The following INTS1 variants were observed in gnomAD, a reference collection of about 807,000 sequenced individuals.
INTS1 encodes integrator complex subunit 1.
In INTS1, 137 loss-of-function variants were observed where a neutral mutation model predicts 241.6. That is an observed-to-expected ratio of 0.57 (90% CI 0.49 to 0.65). The LOEUF is 0.65. Ranked by LOEUF, INTS1 falls within the 30% of genes least tolerant of loss-of-function variation. The pLI, the probability that INTS1 is intolerant of heterozygous loss-of-function variation, is 0.00. For synonymous variants in INTS1, 1,692 were observed against 1,337.8 expected (o/e 1.26, Z -5.78); for missense variants, 3,073 against 3,032.2 (o/e 1.01, Z -0.32).
chr7:1,498,679 C>T, intron 9 of INTS1, 28 bp downstream of exon 9: 1 of 1,546,704 alleles, frequency 6.5e-7, no homozygotes, highest in South Asian at 1.2e-5. Flanking sequence ...CCACCCGCAC[C>T]CCCGCTCTGC....
At chr7:1,480,691 G>A (rs1781950762) in intron 29 of INTS1, 144 bp downstream of exon 29, 1 of 753,272 alleles carries the variant, frequency 1.3e-6, no homozygotes. Flanking sequence ...GTTTCTGTGG[G>A]GGCCCCTCTC....
In INTS1 at chr7:1,480,035, C is replaced by T. The variant is rs187808514; in HGVS notation, c.4074+282G>A. ...ACCTCAGCTTCTGTACACATCAAACCGGGTGCCCCGCGCAGAGGGGTGTGC... is the reference window on the plus strand; with the variant it reads ...ACCTCAGCTTCTGTACACATCAAACTGGGTGCCCCGCGCAGAGGGGTGTGC... On this transcript the variant is annotated intron_variant, in intron 30 of 47. Transcript: ENST00000404767. Among the ~76,000 whole-genome samples the T allele has an allele frequency of 2.6e-5, 4 of 152,362 alleles. No homozygotes were observed. The East Asian group carries it at 7.7e-4, about 29-fold the overall frequency.
At chr7:1,480,182 G>A in intron 30 of INTS1, 135 bp downstream of exon 30, 1 of 1,044,172 alleles carries the variant, frequency 9.6e-7, no homozygotes, top group Non-Finnish European at 1.4e-6. Flanking sequence ...GCGTGTAAAG[G>A]CCGCTGTGCG....
intron 31 of INTS1, among the ~76,000 whole-genome samples, chr7:1,479,130 G>A (rs553520031): frequency 3.2e-4 from 49 of 152,374 alleles, no homozygotes; most frequent in Admixed American, 8.5e-4. Flanking sequence ...AAAGGAAAAA[G>A]TAAACACAGA....
rs1296580940 is a variant in INTS1 at position 1,473,673 on chromosome 7, G to T, written c.5850C>A (p.Arg1950=). The part of the protein sequence containing the change: ...RLLLNYRKSS[R]HLAAFINKFV... ...ACTTGTTGATGAAGGCAGCCAGATG[G>T]CGGGAGGACTTCCTGTAATTCTGCA... The change falls in exon 42 of 48, where the codon CGC becomes CGA. Residue 1950 remains arginine (R), a synonymous_variant. Transcript: ENST00000404767. The T allele has an allele frequency of 1.9e-6, 3 of 1,613,188 alleles. No individual in the cohort carries two copies. The African/African-American group carries it at 4.0e-5, about 22-fold the overall frequency.
chr7:1,484,735 C>T (rs574037781), intron 24 of INTS1, among the ~76,000 whole-genome samples: 171 of 152,196 alleles, frequency 1.1e-3, no homozygotes, highest in Non-Finnish European at 2.2e-3. Flanking sequence ...CCCGTGGCTT[C>T]GCATCCTCAG....
chr7:1,500,822 T>G (rs1311468937), intron 3 of INTS1: 1 of 159,836 alleles, frequency 6.3e-6, no homozygotes, highest in Non-Finnish European at 1.4e-5. Context: ...GGTGCTCGGC[T>G]CACAACCTTC....
At chr7:1,479,336 C>A in intron 31 of INTS1, 94 bp downstream of exon 31, 1 of 1,395,304 alleles carries the variant, frequency 7.2e-7, no homozygotes, top group Non-Finnish European at 9.6e-7. Flanking sequence ...GACCCAAGAC[C>A]CACAGAGGAG....
chr7:1,500,434 G>T, intron 3 of INTS1, 68 bp from the exon 4 acceptor site: 3 of 1,431,864 alleles, frequency 2.1e-6, no homozygotes, highest in South Asian at 2.8e-5. Context: ...TCGGGACACC[G>T]GGAAGACCAC....
intron 8 of INTS1, 45 bp downstream of exon 8, chr7:1,498,930 G>GGCCCCCCCCCCCCGCCCC: frequency 6.8e-7 from 1 of 1,460,190 alleles, no homozygotes; most frequent in Non-Finnish European, 9.3e-7. Flanking sequence ...CACAGAGCCT[G>GGCCCCCCCCCCCCGCCCC]CCCCCACCCC....
chr7:1,495,449 TA>T lies in INTS1; in HGVS notation c.1815del (p.Lys606ArgfsTer48). The T allele has an allele frequency of 6.2e-7, 1 of 1,612,260 alleles. No homozygotes were observed. The highest frequency in any genetic ancestry group is 8.5e-7 in the Non-Finnish European group (1 of 1,179,622). ...TVVPSISKLAPKDYVHCLHKV... is the reference protein window; with the variant it reads ...TVVPSISKLAXKDYVHCLHKV... The stretch of plus-strand genomic sequence containing the variant: ...CAGCCGCACCAGTGCACGTAGTCCT[TA>T]GGGGCGAGCTTGCTGATGGAGGGGA... On this transcript the variant is annotated frameshift_variant, in exon 13 of 48. Coordinates refer to ENST00000404767, the MANE Select transcript of INTS1 (RefSeq NM_001080453.3). LOFTEE classifies it high-confidence loss of function.
At position 1,497,255 on chromosome 7, in the gene INTS1, C is replaced by G. The variant is rs559301137; in HGVS notation, c.1485G>C (p.Ser495=). 5 of 1,613,362 alleles carry G rather than the reference C, an allele frequency of 3.1e-6. No individual in the cohort carries two copies. Among genetic ancestry groups the G allele is most frequent in the African/African-American group, 1.3e-5 (1 of 74,968 alleles). Reference sequence around the variant, plus strand: ...TGATGATCTCCCGCAGCAGGGCCCGCGAGGCCCGCAGGTAGTCGTCCTTGT... The same window carrying G: ...TGATGATCTCCCGCAGCAGGGCCCGGGAGGCCCGCAGGTAGTCGTCCTTGT... The part of the protein sequence containing the change: ...LTNKDDYLRA[S]RALLREIIKQ... The change falls in exon 11 of 48, where the codon TCG becomes TCC. Residue 495 remains serine, a synonymous_variant. Transcript: ENST00000404767. The surrounding 1 kb of genome is among the most constrained non-coding windows in gnomAD (Gnocchi z 5.3).
chr7:1,497,900 C>G lies in INTS1; in HGVS notation c.1425+512G>C, dbSNP rs577690512. ...CAGGGCTACAGGGACCCCTGCTTAA[C>G]CGAGGGACCCAATGCACAGGAGGCG... On this transcript the variant is annotated intron_variant, in intron 10 of 47. Coordinates refer to ENST00000404767, the MANE Select transcript of INTS1 (RefSeq NM_001080453.3). This position sits in a 1 kb window ranked among gnomAD's most constrained non-coding sequence, Gnocchi z 5.3. Among the ~76,000 whole-genome samples, 1 of 152,324 alleles carries G rather than the reference C, an allele frequency of 6.6e-6. No homozygotes were observed. Among genetic ancestry groups the G allele is most frequent in the South Asian group, 2.1e-4 (1 of 4,830 alleles).
At chr7:1,498,368 C>G (rs1469624092) in intron 10 of INTS1, 44 bp downstream of exon 10, 1 of 1,608,524 alleles carries the variant, frequency 6.2e-7, no homozygotes, top group East Asian at 2.2e-5. Context: ...GCCCAGAGCC[C>G]CATATTCCGG....
intron 3 of INTS1, among the ~76,000 whole-genome samples, chr7:1,501,499 T>C (rs1185627959): frequency 1.3e-5 from 2 of 152,064 alleles, no homozygotes; most frequent in African/African-American, 2.4e-5. Context: ...CAGCCATCTC[T>C]CTGTTTTGCT....
chr7:1,487,438 C>CG lies in INTS1; in HGVS notation c.2527dup (p.Arg843ProfsTer31). The CG allele has an allele frequency of 1.2e-6, 2 of 1,610,912 alleles. No individual in the cohort carries two copies. The highest frequency in any genetic ancestry group is 1.7e-5 in the Admixed American group (1 of 59,888). On this transcript the variant is annotated frameshift_variant, in exon 20 of 48. Coordinates refer to ENST00000404767, the MANE Select transcript of INTS1 (RefSeq NM_001080453.3). LOFTEE classifies it high-confidence loss of function. ...ATCCAGGATGTGAGGGGGAGGCCTC[C>CG]GGGGGGGCCCCCTGAGGGCCACAGG...
intron 44 of INTS1, 96 bp downstream of exon 44, chr7:1,472,177 G>A (rs920046950): frequency 7.3e-5 from 69 of 948,794 alleles, no homozygotes; most frequent in Admixed American, 5.7e-4. Context: ...CCAGGCTCAC[G>A]CCAAAGTCAG....
chr7:1,478,573 G>C, intron 32 of INTS1, 67 bp from the exon 33 acceptor site: 1 of 1,559,424 alleles, frequency 6.4e-7, no homozygotes, highest in Non-Finnish European at 8.7e-7. Flanking sequence ...CCCATCCAGG[G>C]AGGCCCCACG....
intron 6 of INTS1, 42 bp downstream of exon 6, chr7:1,499,431 G>A (rs753751913): frequency 3.2e-6 from 5 of 1,550,804 alleles, no homozygotes; most frequent in Non-Finnish European, 4.4e-6. Flanking sequence ...CCCTGCCCTG[G>A]GGCTTGGACA....
Sources: allele counts gnomAD v4.1 joint callset (sites outside exome capture counted in the v4.1 genomes callset), GRCh38; gene constraint gnomAD v4.1.1; non-coding constraint Gnocchi (gnomAD v3.1); transcripts MANE v1.5; gene names NCBI Gene and HGNC (gene_info 2026-07-23, HGNC 2026-07-21).